Variants in PCBP3 observed in about 807,000 individuals in gnomAD.
The protein encoded by PCBP3 is poly(rC) binding protein 3.
Under a neutral mutation model 52.7 loss-of-function variants are expected in PCBP3, and 25 were observed. The observed-to-expected ratio is 0.47, with a 90% CI of 0.35 to 0.66. The LOEUF (loss-of-function observed/expected upper bound fraction) is 0.66, where lower values mean the gene tolerates loss of function less well. PCBP3 is among the 30% of genes least tolerant of loss of function. The pLI is 0.01. For synonymous variants in PCBP3, 162 were observed against 183.0 expected (o/e 0.89, Z 0.93); for missense variants, 391 against 490.3 (o/e 0.80, Z 1.91).
chr21:45,662,017 G>A (rs1263701019), intron 1 of PCBP3, among the ~76,000 whole-genome samples: 1 of 151,852 alleles, frequency 6.6e-6, no homozygotes, highest in Non-Finnish European at 1.5e-5. Context: ...TGAGTTTCTT[G>A]TAGATCCTGG....
chr21:45,812,767 T>C (rs1017756142), intron 4 of PCBP3, among the ~76,000 whole-genome samples: 2 of 152,226 alleles, frequency 1.3e-5, no homozygotes, highest in African/African-American at 4.8e-5. Context: ...TTTGATGATG[T>C]CTTTATTTTG....
At chr21:45,753,254 GT>G in intron 3 of PCBP3, among the ~76,000 whole-genome samples, 1 of 147,212 alleles carries the variant, frequency 6.8e-6, no homozygotes, top group Middle Eastern at 3.5e-3. Context: ...TTATATTTCT[GT>G]TCATTTCTGC....
intron 5 of PCBP3, among the ~76,000 whole-genome samples, chr21:45,879,904 G>A (rs1473896553): frequency 1.3e-5 from 2 of 151,704 alleles, no homozygotes; most frequent in African/African-American, 4.8e-5. Context: ...TTTAAAAAAA[G>A]AAAACAAAAC....
intron 4 of PCBP3, among the ~76,000 whole-genome samples, chr21:45,849,453 G>A (rs887756265): frequency 1.3e-4 from 19 of 151,892 alleles, no homozygotes; most frequent in Non-Finnish European, 2.2e-4. Flanking sequence ...TGATCCTCCC[G>A]TCTTGGCCTC....
intron 1 of PCBP3, 121 bp downstream of exon 1, chr21:45,643,989 G>A (rs1408560579): frequency 6.7e-6 from 1 of 149,186 alleles, no homozygotes; most frequent in East Asian, 2.0e-4. Context: ...CGCCCGAGCC[G>A]GGGCGGGCGG....
At chr21:45,814,695 A>AGTG (rs2092801084) in intron 4 of PCBP3, among the ~76,000 whole-genome samples, 1 of 108,190 alleles carries the variant, frequency 9.2e-6, no homozygotes, top group Non-Finnish European at 1.8e-5. Context: ...GTGAGTGGTG[A>AGTG]GTGATGAGTG....
intron 15 of PCBP3, among the ~76,000 whole-genome samples, chr21:45,931,871 A>T (rs1345681579): frequency 6.6e-6 from 1 of 150,556 alleles, no homozygotes; most frequent in East Asian, 2.0e-4. Flanking sequence ...CCGTCCTGAG[A>T]TGAATGAACA....
intron 16 of PCBP3, 84 bp from the exon 17 acceptor site, chr21:45,939,946 C>A: frequency 4.6e-6 from 6 of 1,307,198 alleles, no homozygotes; most frequent in Non-Finnish European, 4.3e-6. Context: ...GCCCGTCCCA[C>A]CGGCCCCCTC....
intron 3 of PCBP3, among the ~76,000 whole-genome samples, chr21:45,739,309 G>C (rs10211863): frequency 1.8e-3 from 30 of 17,082 alleles, no homozygotes; most frequent in East Asian, 3.8e-3. Flanking sequence ...CCCTTCCTGT[G>C]CATTGTCCTC....
intron 3 of PCBP3, among the ~76,000 whole-genome samples, chr21:45,748,415 A>T (rs906387154): frequency 7.9e-5 from 12 of 152,306 alleles, no homozygotes; most frequent in Middle Eastern, 6.8e-3. Context: ...GCAGTCAGTG[A>T]TAGACTCCGG....
rs2093332415 is a variant in PCBP3, at chr21:45,827,254, GC to G, written c.-125-22706del. ...CCTAGATGCCTCTTCTAACCTGGCGGCAATGAGGCAGCACACCTCTGCCCCC... is the reference window on the plus strand; with the variant it reads ...CCTAGATGCCTCTTCTAACCTGGCGGAATGAGGCAGCACACCTCTGCCCCC... On this transcript the variant is annotated intron_variant, in intron 4 of 17. Coordinates refer to ENST00000681687, the MANE Select transcript of PCBP3 (RefSeq NM_001384156.1). This position sits in a 1 kb window ranked among gnomAD's most constrained non-coding sequence, Gnocchi z 4.3. Among the ~76,000 whole-genome samples, 2 of 152,156 alleles carry G rather than the reference GC, an allele frequency of 1.3e-5. No homozygotes were observed. Among genetic ancestry groups the G allele is most frequent in the Non-Finnish European group, 2.9e-5 (2 of 68,036 alleles).
intron 2 of PCBP3, among the ~76,000 whole-genome samples, chr21:45,709,482 A>G (rs2148118685): frequency 6.6e-6 from 1 of 152,280 alleles, no homozygotes; most frequent in African/African-American, 2.4e-5. Context: ...AAGATAGGCG[A>G]CGACTTTTCA....
At chr21:45,921,807 A>AG (rs983190542) in intron 13 of PCBP3, among the ~76,000 whole-genome samples, 7 of 111,594 alleles carry the variant, frequency 6.3e-5, no homozygotes, top group African/African-American at 3.8e-4. Context: ...CGACAGAACG[A>AG]GACCCGTTTC....
At chr21:45,914,072 T>A (rs375789047) in intron 12 of PCBP3, 47 bp downstream of exon 12, 8 of 1,608,652 alleles carry the variant, frequency 5.0e-6, no homozygotes, top group Non-Finnish European at 8.5e-7. Context: ...CTCAGCCTTT[T>A]ACTGCAGCAC....
chr21:45,805,322 G>A lies in PCBP3; in HGVS notation c.-125-44639G>A, dbSNP rs74715420. On this transcript the variant is annotated intron_variant, in intron 4 of 17. Coordinates refer to ENST00000681687, the MANE Select transcript of PCBP3 (RefSeq NM_001384156.1). This position sits in a 1 kb window ranked among gnomAD's most constrained non-coding sequence, Gnocchi z 4.6. The stretch of plus-strand genomic sequence containing the variant: ...GAAAACCCCCCAGGTGGTGTCTGGG[G>A]GGGAAAGTAATTGGAAGATTATGGG... Among the ~76,000 whole-genome samples, 3,097 of 152,170 alleles carry A rather than the reference G, an allele frequency of 0.02. 115 individuals are homozygous for A. The highest frequency in any genetic ancestry group is 0.071 in the African/African-American group (2,947 of 41,526).
At chr21:45,876,902 G>C (rs1211538368) in intron 5 of PCBP3, among the ~76,000 whole-genome samples, 2 of 152,250 alleles carry the variant, frequency 1.3e-5, no homozygotes, top group Non-Finnish European at 2.9e-5. Context: ...CGGCTGCGAG[G>C]ACCCCAGATG....
At chr21:45,782,722 ACAAG>A (rs1176701031) in intron 4 of PCBP3, among the ~76,000 whole-genome samples, 4 of 152,234 alleles carry the variant, frequency 2.6e-5, no homozygotes, top group Admixed American at 2.6e-4. Flanking sequence ...AAGCAAGCAA[ACAAG>A]CAAGCAAACT....
At chr21:45,678,491 A>C (rs118191156) in intron 2 of PCBP3, among the ~76,000 whole-genome samples, 2 of 152,014 alleles carry the variant, frequency 1.3e-5, no homozygotes, top group Non-Finnish European at 2.9e-5. Flanking sequence ...AACATCAACA[A>C]AGTTTGGAAG....
At chr21:45,872,130 G>A (rs1440462854) in intron 5 of PCBP3, 1 of 152,304 alleles carries the variant, frequency 6.6e-6, no homozygotes, top group African/African-American at 2.4e-5. Context: ...GTGTGGACGA[G>A]GATGAGGGCT....
Sources: gnomAD v4.1 joint callset for allele counts (sites outside exome capture counted in the v4.1 genomes callset) on GRCh38, gnomAD v4.1.1 for gene constraint, Gnocchi (gnomAD v3.1) non-coding constraint, MANE v1.5 for transcripts, NCBI Gene and HGNC (gene_info 2026-07-23, HGNC 2026-07-21) for gene names.